The following ABLIM3 variants were observed in gnomAD, a reference collection of about 807,000 sequenced individuals.
The protein encoded by ABLIM3 is actin-binding LIM protein 3.
Under a neutral mutation model 109.5 loss-of-function variants are expected in ABLIM3, and 61 were observed. That is an observed-to-expected ratio of 0.56 (90% CI 0.45 to 0.69). The LOEUF (loss-of-function observed/expected upper bound fraction) is 0.69. Ranked by LOEUF, ABLIM3 falls within the 30% of genes least tolerant of loss-of-function variation. The pLI is 0.00. For synonymous variants in ABLIM3, 300 were observed against 324.8 expected (o/e 0.92, Z 0.82); for missense variants, 796 against 889.5 (o/e 0.89, Z 1.34).
chr5:149,216,843 T>A (rs541196807), intron 7 of ABLIM3, 116 bp from the exon 8 acceptor site: 1 of 916,478 alleles, frequency 1.1e-6, no homozygotes, highest in East Asian at 2.6e-5. Flanking sequence ...CAACCAACTT[T>A]AGGGCCATGA....
intron 15 of ABLIM3, 70 bp downstream of exon 15, chr5:149,242,608 C>A: frequency 2.0e-6 from 3 of 1,504,992 alleles, no homozygotes; most frequent in Non-Finnish European, 2.8e-6. Context: ...ATGCAGATGG[C>A]CCTGCACAGG....
chr5:149,259,000 C>T lies in ABLIM3; in HGVS notation c.*596C>T. The stretch of plus-strand genomic sequence containing the variant: ...AGAAGTGGACAGGGCCTAGGCCTCT[C>T]CTCAGCTCCTTAACCCTCCTCCTTC... On this transcript the variant is annotated 3_prime_UTR_variant, in exon 24 of 24. Transcript: ENST00000309868. 3 of 998,106 alleles carry T rather than the reference C, an allele frequency of 3.0e-6. No homozygotes were observed. The South Asian group carries it at 1.3e-4, about 44-fold the overall frequency. 61.8% of individuals were successfully genotyped at this position (998,106 alleles called of 1,614,324 possible). A position where few individuals can be genotyped will look rare whatever the true frequency, so the allele number is the denominator to read the frequency against.
chr5:149,198,319 C>A lies in ABLIM3; in HGVS notation c.252C>A (p.Ser84Arg), dbSNP rs1337886274. ...YQQLYGTRCD[S>R]CRDFITGEVI... ...AACTCTATGGCACCCGCTGTGACAG[C>A]TGCCGGGACTTCATCACAGGCGAAG... Residue 84 changes from serine to arginine, a missense_variant, in exon 4 of 24, where the codon AGC becomes AGA. Coordinates refer to ENST00000309868, the MANE Select transcript of ABLIM3 (RefSeq NM_014945.5). This position sits in a 1 kb window ranked among gnomAD's most constrained non-coding sequence, Gnocchi z 4.2. 2 of 1,614,232 alleles carry A rather than the reference C, an allele frequency of 1.2e-6. No homozygotes were observed. Among genetic ancestry groups the A allele is most frequent in the Non-Finnish European group, 1.7e-6 (2 of 1,180,032 alleles).
At position 149,198,341 on chromosome 5, in the gene ABLIM3, G is replaced by A. The variant is rs769545470; in HGVS notation, c.274G>A (p.Glu92Lys). 4.3e-6 allele frequency: 7 copies of A among 1,614,172 alleles called. No individual in the cohort carries two copies. Among genetic ancestry groups the A allele is most frequent in the South Asian group, 3.3e-5 (3 of 91,076 alleles). Residue 92 changes from glutamate to lysine, a missense_variant, in exon 4 of 24, where the codon GAA becomes AAA. Coordinates refer to ENST00000309868, the MANE Select transcript of ABLIM3 (RefSeq NM_014945.5). The surrounding 1 kb of genome is among the most constrained non-coding windows in gnomAD (Gnocchi z 4.2). ...CAGCTGCCGGGACTTCATCACAGGC[G>A]AAGTCATCTCGGCCCTGGGCCGCAC... ...CDSCRDFITGEVISALGRTYH... is the reference protein window; with the variant it reads ...CDSCRDFITGKVISALGRTYH...
At chr5:149,181,057 C>G (rs1425815069) in intron 2 of ABLIM3, among the ~76,000 whole-genome samples, 2 of 152,148 alleles carry the variant, frequency 1.3e-5, no homozygotes, top group African/African-American at 4.8e-5. Context: ...TTGGAGACTT[C>G]CAAGAGCACT....
intron 2 of ABLIM3, among the ~76,000 whole-genome samples, chr5:149,170,263 T>TCTCTCC (rs1554082441): frequency 1.3e-5 from 2 of 149,096 alleles, no homozygotes; most frequent in Non-Finnish European, 3.0e-5. Flanking sequence ...TCTCTCTCTC[T>TCTCTCC]CCTTCTCCCT....
chr5:149,207,036 G>C lies in ABLIM3; in HGVS notation c.477G>C (p.Lys159Asn). 2 of 1,613,984 alleles carry C rather than the reference G, an allele frequency of 1.2e-6. No individual in the cohort carries two copies. Among genetic ancestry groups the C allele is most frequent in the Non-Finnish European group, 1.7e-6 (2 of 1,179,956 alleles). ...GTGCCGGGTGCAAGGAGGAGATCAA[G>C]CACGGCCAGTCACTCCTGGCTCTGG... ...SHCAGCKEEI[K>N]HGQSLLALDK... Residue 159 changes from lysine (K) to asparagine (N), a missense_variant, in exon 6 of 24, where the codon AAG becomes AAC. Transcript: ENST00000309868.
chr5:149,233,396 C>A, intron 10 of ABLIM3, 96 bp downstream of exon 10: 2 of 1,291,808 alleles, frequency 1.5e-6, no homozygotes, highest in Non-Finnish European at 2.3e-6. Context: ...AGTTTTCATC[C>A]AGCTGACATT....
At chr5:149,255,651 C>T (rs1484063125) in intron 23 of ABLIM3, among the ~76,000 whole-genome samples, 1 of 152,160 alleles carries the variant, frequency 6.6e-6, no homozygotes, top group East Asian at 1.9e-4. Flanking sequence ...GAAGAACTTT[C>T]TGGGCAGAGG....
chr5:149,160,326 G>A (rs1754231222), intron 2 of ABLIM3, among the ~76,000 whole-genome samples: 1 of 152,034 alleles, frequency 6.6e-6, no homozygotes, highest in Non-Finnish European at 1.5e-5. Context: ...AGGCATGTTG[G>A]TGCACGCCTG....
chr5:149,225,782 A>G (rs1761124855), intron 8 of ABLIM3, among the ~76,000 whole-genome samples: 1 of 151,742 alleles, frequency 6.6e-6, no homozygotes, highest in Admixed American at 6.6e-5. Context: ...CTTAGCTCTC[A>G]CTTATGAATG....
At chr5:149,176,294 C>T (rs1201964678) in intron 2 of ABLIM3, among the ~76,000 whole-genome samples, 3 of 152,234 alleles carry the variant, frequency 2.0e-5, no homozygotes, top group East Asian at 1.9e-4. Context: ...TTCCTATTTC[C>T]TGGCCTATAT....
intron 17 of ABLIM3, among the ~76,000 whole-genome samples, chr5:149,246,794 C>T (rs1256025600): frequency 6.6e-6 from 1 of 152,216 alleles, no homozygotes; most frequent in African/African-American, 2.4e-5. Context: ...TGGCTTCATG[C>T]TCAGGCAAGC....
At chr5:149,144,569 T>C (rs1752754668) in intron 2 of ABLIM3, among the ~76,000 whole-genome samples, 1 of 152,206 alleles carries the variant, frequency 6.6e-6, no homozygotes, top group African/African-American at 2.4e-5. Flanking sequence ...TATTTAGTCC[T>C]TATTCTCCAC....
intron 23 of ABLIM3, among the ~76,000 whole-genome samples, chr5:149,254,130 C>T (rs766929448): frequency 3.9e-5 from 6 of 152,226 alleles, no homozygotes; most frequent in South Asian, 2.1e-4. Flanking sequence ...ATCCTTGACA[C>T]GTGGGGATTA....
intron 3 of ABLIM3, among the ~76,000 whole-genome samples, chr5:149,197,137 C>T (rs1161799051): frequency 6.6e-6 from 1 of 152,078 alleles, no homozygotes; most frequent in Non-Finnish European, 1.5e-5. Flanking sequence ...AAAAAACGTC[C>T]ACGGCTCTTC....
At chr5:149,215,522 T>A (rs1397546217) in intron 7 of ABLIM3, among the ~76,000 whole-genome samples, 6 of 146,198 alleles carry the variant, frequency 4.1e-5, no homozygotes, top group Non-Finnish European at 3.0e-5. Context: ...TCCCCCCACA[T>A]AAAAAAAAAA....
intron 2 of ABLIM3, among the ~76,000 whole-genome samples, chr5:149,154,621 G>A (rs1753723372): frequency 6.6e-6 from 1 of 152,160 alleles, no homozygotes; most frequent in Admixed American, 6.5e-5. Context: ...TGAATTCTGT[G>A]TCTAGGGAAT....
At chr5:149,252,286 G>A in intron 22 of ABLIM3, 78 bp downstream of exon 22, 1 of 1,531,686 alleles carries the variant, frequency 6.5e-7, no homozygotes, top group East Asian at 2.3e-5. Context: ...GAGGATGACA[G>A]CACTGTCTAT....
Sources: gnomAD v4.1 joint callset for allele counts (sites outside exome capture counted in the v4.1 genomes callset) on GRCh38, gnomAD v4.1.1 for gene constraint, Gnocchi (gnomAD v3.1) non-coding constraint, MANE v1.5 for transcripts, NCBI Gene and HGNC (gene_info 2026-07-23, HGNC 2026-07-21) for gene names.